Variants in HECW2 observed in about 807,000 individuals in gnomAD.
HECW2 encodes the protein E3 ubiquitin-protein ligase HECW2.
HECW2 carries 61 observed loss-of-function variants against 175.2 expected under a neutral mutation model. The ratio of observed to expected loss-of-function variants is 0.35; its 90% CI spans 0.28 to 0.43. The LOEUF (loss-of-function observed/expected upper bound fraction) is 0.43. HECW2 is among the 20% of genes least tolerant of loss of function. The pLI, the probability that HECW2 is intolerant of heterozygous loss-of-function variation, is 1.00. For synonymous variants in HECW2, 671 were observed against 731.0 expected (o/e 0.92, Z 1.32); for missense variants, 1,524 against 2,000.5 (o/e 0.76, Z 4.54).
At chr2:196,379,130 C>G (rs1029726088) in intron 2 of HECW2, among the ~76,000 whole-genome samples, 1 of 150,126 alleles carries the variant, frequency 6.7e-6, no homozygotes, top group Middle Eastern at 3.2e-3. Flanking sequence ...ACAACAGATA[C>G]AGTTGTCACT....
At position 196,318,710 on chromosome 2, in the gene HECW2, A is replaced by G; in HGVS notation, c.2180T>C (p.Val727Ala). ...DEGPGAESAT[V>A]PDQEELGEVW... Reference sequence around the variant, plus strand: ...CTCCCCCAGCTCCTCCTGGTCAGGTACAGTGGCCGATTCTGCCCCTGGCCC... The same window carrying G: ...CTCCCCCAGCTCCTCCTGGTCAGGTGCAGTGGCCGATTCTGCCCCTGGCCC... Residue 727 changes from valine (V) to alanine (A), a missense_variant, in exon 9 of 29, where the codon GTA (valine) becomes GCA (alanine). Transcript: ENST00000644978. 1 of 1,572,020 alleles carries G rather than the reference A, an allele frequency of 6.4e-7. No homozygotes were observed.
chr2:196,287,607 A>G (rs926614773), intron 14 of HECW2, among the ~76,000 whole-genome samples: 2 of 152,214 alleles, frequency 1.3e-5, no homozygotes, highest in Non-Finnish European at 1.5e-5. Flanking sequence ...CTTGAGAAAT[A>G]ACAACTTTCA....
At position 196,197,346 on chromosome 2, in the gene HECW2, G is replaced by C. The variant is rs1686724850; in HGVS notation, c.*3931C>G. ...TTATCACTGGAACTCAGCTATTAGG[G>C]CTTACTAGATCCATCCCTATTAAAA... is the stretch of plus-strand genomic sequence containing the variant. On this transcript the variant is annotated 3_prime_UTR_variant, in exon 29 of 29. Transcript: ENST00000644978. 1 of 149,344 alleles carries C rather than the reference G, an allele frequency of 6.7e-6. No individual in the cohort carries two copies. The allele number at this position is 149,344 out of a possible 1,614,324, so 9.3% of individuals were successfully genotyped here.
chr2:196,259,191 C>A (rs1402772970), intron 17 of HECW2, among the ~76,000 whole-genome samples: 1 of 152,206 alleles, frequency 6.6e-6, no homozygotes, highest in Admixed American at 6.5e-5. Flanking sequence ...CCATGCTGGT[C>A]TCAAACTCCT....
At chr2:196,545,078 A>G (rs1247187623) in intron 1 of HECW2, among the ~76,000 whole-genome samples, 1 of 152,212 alleles carries the variant, frequency 6.6e-6, no homozygotes, top group African/African-American at 2.4e-5. Context: ...ATGCTAATGT[A>G]TTCATTGACA....
chr2:196,208,873 C>T (rs1168308130), intron 28 of HECW2, among the ~76,000 whole-genome samples: 1 of 152,104 alleles, frequency 6.6e-6, no homozygotes, highest in African/African-American at 2.4e-5. Flanking sequence ...TCTAAGCCAC[C>T]AGAGGGTGTA....
chr2:196,234,934 GC>G (rs1688187618), intron 21 of HECW2, among the ~76,000 whole-genome samples: 1 of 152,074 alleles, frequency 6.6e-6, no homozygotes, highest in Admixed American at 6.5e-5. Context: ...CATGACTAAA[GC>G]AAAACCTCCA....
chr2:196,376,007 C>T (rs1046074038), intron 2 of HECW2, among the ~76,000 whole-genome samples: 3 of 152,232 alleles, frequency 2.0e-5, no homozygotes, highest in Admixed American at 2.0e-4. Flanking sequence ...CTCTATCAGT[C>T]TACGTTCCTT....
intron 10 of HECW2, among the ~76,000 whole-genome samples, chr2:196,315,257 A>G (rs1480964986): frequency 6.6e-6 from 1 of 152,048 alleles, no homozygotes; most frequent in Admixed American, 6.6e-5. Flanking sequence ...AATTCTGTTT[A>G]TATTTTACAA....
intron 2 of HECW2, among the ~76,000 whole-genome samples, chr2:196,421,862 C>T (rs1177499447): frequency 6.6e-6 from 1 of 152,118 alleles, no homozygotes; most frequent in Admixed American, 6.6e-5. Flanking sequence ...ACTAAAGCTT[C>T]TTTGGCTACA....
intron 1 of HECW2, among the ~76,000 whole-genome samples, chr2:196,532,815 A>G (rs1575645383): frequency 1.5e-5 from 2 of 136,146 alleles, no homozygotes; most frequent in Admixed American, 1.4e-4. Context: ...TAGTAAGGAG[A>G]AGGAGAGCAA....
At chr2:196,270,192 C>T (rs1338124379) in intron 17 of HECW2, among the ~76,000 whole-genome samples, 2 of 140,386 alleles carry the variant, frequency 1.4e-5, no homozygotes, top group Non-Finnish European at 3.1e-5. Context: ...CCCACTGATG[C>T]CTAGCACACT....
chr2:196,406,179 C>A (rs185071243), intron 2 of HECW2, among the ~76,000 whole-genome samples: 154 of 152,278 alleles, frequency 1.0e-3, no homozygotes, highest in Non-Finnish European at 1.6e-3. Flanking sequence ...GACCCAGCTT[C>A]TTCCTTCTTG....
At chr2:196,370,423 C>T (rs6434844) in intron 2 of HECW2, among the ~76,000 whole-genome samples, 4,335 of 152,192 alleles carry the variant, frequency 0.028, 205 homozygotes, top group African/African-American at 0.098. Flanking sequence ...TTTATTCTTT[C>T]CTCTCTTCTC....
At chr2:196,568,891 T>C (rs746587942) in intron 1 of HECW2, among the ~76,000 whole-genome samples, 2 of 152,164 alleles carry the variant, frequency 1.3e-5, no homozygotes, top group Non-Finnish European at 2.9e-5. Context: ...ATCCCCAGCA[T>C]CCACAATTAA....
chr2:196,315,666 A>T (rs1691667993), intron 10 of HECW2: 1 of 152,226 alleles, frequency 6.6e-6, no homozygotes, highest in Admixed American at 6.5e-5. Context: ...ATTTCCCAAG[A>T]TGTATCTACG....
chr2:196,209,816 C>T (rs79474206), intron 28 of HECW2, among the ~76,000 whole-genome samples: 37,618 of 148,728 alleles, frequency 0.25, 5,096 homozygotes, highest in East Asian at 0.54. Flanking sequence ...CAGGCTGGAG[C>T]GCAGTGGTGC....
At chr2:196,564,571 C>T (rs1045463047) in intron 1 of HECW2, among the ~76,000 whole-genome samples, 1 of 152,088 alleles carries the variant, frequency 6.6e-6, no homozygotes, top group Non-Finnish European at 1.5e-5. Context: ...TGACAGAATG[C>T]AACAGATGGA....
At chr2:196,486,489 C>T (rs954776409) in intron 1 of HECW2, among the ~76,000 whole-genome samples, 1 of 152,128 alleles carries the variant, frequency 6.6e-6, no homozygotes, top group East Asian at 1.9e-4. Flanking sequence ...AACCCTCAAG[C>T]CCATGCATTA....
Sources: gnomAD v4.1 joint callset for allele counts (sites outside exome capture counted in the v4.1 genomes callset) on GRCh38, gnomAD v4.1.1 for gene constraint, MANE v1.5 for transcripts, NCBI Gene and HGNC (gene_info 2026-07-23, HGNC 2026-07-21) for gene names.